DLGAP2: variants seen among roughly 807,000 people sequenced by gnomAD.
DLGAP2 encodes disks large-associated protein 2.
DLGAP2 carries 26 observed loss-of-function variants against 100.3 expected under a neutral mutation model. The observed-to-expected ratio is 0.26, with a 90% CI of 0.19 to 0.36. DLGAP2 has a LOEUF of 0.36. Ranked by LOEUF, DLGAP2 falls within the 10% of genes least tolerant of loss-of-function variation. DLGAP2 has a pLI of 1.00. For synonymous variants in DLGAP2, 886 were observed against 630.1 expected (o/e 1.41, Z -6.08); for missense variants, 1,858 against 1,453.2 (o/e 1.28, Z -4.53).
intron 8 of DLGAP2, among the ~76,000 whole-genome samples, chr8:1,644,217 C>T (rs1463474873): frequency 1.3e-5 from 2 of 152,246 alleles, no homozygotes; most frequent in Non-Finnish European, 2.9e-5. Flanking sequence ...CACCCACTCT[C>T]CATCCTGCCT....
Position 1,254,961 on chromosome 8 carries a change from T to TGTGC in DLGAP2, c.74-3890_74-3889insGTGC, listed in dbSNP as rs1563043149. 6.2e-4 allele frequency among the ~76,000 whole-genome samples: 34 copies of TGTGC among 54,512 alleles called. 1 individual carries two copies. The highest frequency in any genetic ancestry group is 4.7e-3 in the African/African-American group (32 of 6,760). 35.8% of individuals were successfully genotyped at this position (54,512 alleles called of 152,430 possible). ...CTCCTGCCCGGGTGCTGTGTGTGTG[T>TGTGC]CCTCTCATCCTGTCCGGGTGCTGTG... On this transcript the variant is annotated intron_variant, in intron 2 of 14. Transcript: ENST00000637795.
At chr8:785,897 C>G (rs958310825) in intron 1 of DLGAP2, among the ~76,000 whole-genome samples, 1 of 152,120 alleles carries the variant, frequency 6.6e-6, no homozygotes, top group Non-Finnish European at 1.5e-5. Flanking sequence ...TGTACAGGCT[C>G]CTGCCGGGCC....
At chr8:1,558,733 T>A (rs1431522481) in intron 5 of DLGAP2, among the ~76,000 whole-genome samples, 1 of 143,202 alleles carries the variant, frequency 7.0e-6, no homozygotes, top group Non-Finnish European at 1.5e-5. Context: ...TACCCACACA[T>A]ACACACATAG....
chr8:1,699,317 C>A (rs1295963475), intron 14 of DLGAP2, among the ~76,000 whole-genome samples: 1 of 151,716 alleles, frequency 6.6e-6, no homozygotes, highest in Non-Finnish European at 1.5e-5. Flanking sequence ...TAAAAATACA[C>A]AAAATTAGCC....
At chr8:1,421,668 A>C (rs1015071868) in intron 3 of DLGAP2, among the ~76,000 whole-genome samples, 2 of 152,236 alleles carry the variant, frequency 1.3e-5, no homozygotes, top group Admixed American at 1.3e-4. Context: ...ATGTTTGGCT[A>C]TAACAAAATT....
chr8:1,184,684 G>A (rs538773384), intron 2 of DLGAP2, among the ~76,000 whole-genome samples: 35 of 152,278 alleles, frequency 2.3e-4, no homozygotes, highest in African/African-American at 7.7e-4. Context: ...GAAACAGTGG[G>A]GTGTGGTTAG....
intron 2 of DLGAP2, among the ~76,000 whole-genome samples, chr8:1,006,454 G>A (rs1801112759): frequency 7.4e-6 from 1 of 134,972 alleles, no homozygotes; most frequent in Non-Finnish European, 1.6e-5. Flanking sequence ...TGCATCTCAA[G>A]TCTTGGTATG....
At chr8:1,652,762 A>T (rs1798196117) in intron 8 of DLGAP2, among the ~76,000 whole-genome samples, 1 of 152,186 alleles carries the variant, frequency 6.6e-6, no homozygotes, top group Admixed American at 6.5e-5. Flanking sequence ...CTTTATTTTA[A>T]AATAAAGAAT....
chr8:1,518,322 T>C (rs946226360), intron 4 of DLGAP2, among the ~76,000 whole-genome samples: 5 of 152,198 alleles, frequency 3.3e-5, no homozygotes, highest in African/African-American at 7.2e-5. Flanking sequence ...TTAGCTCTTA[T>C]GGGTTTTGTT....
At chr8:1,693,264 T>C (rs953501434) in intron 13 of DLGAP2, among the ~76,000 whole-genome samples, 6 of 148,994 alleles carry the variant, frequency 4.0e-5, no homozygotes, top group Admixed American at 6.7e-5. Context: ...CATGGTAATA[T>C]ATTTTATATA....
chr8:1,354,604 G>A (rs1278971178), intron 3 of DLGAP2, among the ~76,000 whole-genome samples: 1 of 151,606 alleles, frequency 6.6e-6, no homozygotes, highest in Non-Finnish European at 1.5e-5. Flanking sequence ...GAAAGTCACG[G>A]ATGATGCTGC....
intron 3 of DLGAP2, among the ~76,000 whole-genome samples, chr8:1,420,983 G>A (rs1352811318): frequency 1.3e-5 from 2 of 152,128 alleles, no homozygotes; most frequent in African/African-American, 4.8e-5. Context: ...AAAGAGCGGG[G>A]TCCTCTCTCA....
chr8:1,341,429 G>A (rs968216655), intron 3 of DLGAP2, among the ~76,000 whole-genome samples: 3 of 152,064 alleles, frequency 2.0e-5, no homozygotes, highest in African/African-American at 2.4e-5. Flanking sequence ...GTTATTGAAC[G>A]TTAGCTTCAT....
At chr8:835,341 G>T (rs1796852704) in intron 1 of DLGAP2, among the ~76,000 whole-genome samples, 1 of 151,774 alleles carries the variant, frequency 6.6e-6, no homozygotes, top group African/African-American at 2.4e-5. Context: ...CAACATTTGG[G>T]GTTTGAAGTG....
Position 1,039,968 on chromosome 8 carries a change from G to C in DLGAP2, c.73+132002G>C, listed in dbSNP as rs371415815. Reference sequence around the variant, plus strand: ...AGTTTCCGTGGTCAGCTCGGTGTGCGTGGTCGGCTCGGTGTGCATGGTCTG... The same window carrying C: ...AGTTTCCGTGGTCAGCTCGGTGTGCCTGGTCGGCTCGGTGTGCATGGTCTG... On this transcript the variant is annotated intron_variant, in intron 2 of 14. Transcript: ENST00000637795. Among the ~76,000 whole-genome samples, 621 of 141,504 alleles carry C rather than the reference G, an allele frequency of 4.4e-3. 3 individuals carry two copies. Among genetic ancestry groups the C allele is most frequent in the African/African-American group, 0.016 (586 of 37,444 alleles). The allele number at this position is 141,504 out of a possible 152,430, so 92.8% of individuals were successfully genotyped here.
intron 2 of DLGAP2, among the ~76,000 whole-genome samples, chr8:1,171,984 G>A (rs1401585802): frequency 6.6e-6 from 1 of 152,088 alleles, no homozygotes; most frequent in Non-Finnish European, 1.5e-5. Flanking sequence ...AGTCTGGATG[G>A]TCTTTACATT....
intron 3 of DLGAP2, among the ~76,000 whole-genome samples, chr8:1,284,832 A>G (rs564600734): frequency 6.6e-6 from 1 of 152,164 alleles, no homozygotes; most frequent in East Asian, 1.9e-4. Flanking sequence ...GCTGGTCTGG[A>G]ACTTCTGGCC....
At chr8:1,068,059 G>A (rs1803312191) in intron 2 of DLGAP2, among the ~76,000 whole-genome samples, 1 of 152,174 alleles carries the variant, frequency 6.6e-6, no homozygotes, top group South Asian at 2.1e-4. Flanking sequence ...GAACCACAGT[G>A]CACAGCCTTT....
At chr8:1,260,237 T>C (rs1799318601) in intron 3 of DLGAP2, among the ~76,000 whole-genome samples, 1 of 152,186 alleles carries the variant, frequency 6.6e-6, no homozygotes, top group Non-Finnish European at 1.5e-5. Context: ...TTATTATAAC[T>C]TCCATTGCCA....
Sources: allele counts gnomAD v4.1 joint callset (sites outside exome capture counted in the v4.1 genomes callset), GRCh38; gene constraint gnomAD v4.1.1; transcripts MANE v1.5; gene names NCBI Gene and HGNC (gene_info 2026-07-23, HGNC 2026-07-21).